The following ELAVL4 variants were observed in gnomAD, a reference collection of about 807,000 sequenced individuals.
The protein encoded by ELAVL4 is ELAV-like protein 4.
In ELAVL4, 1 loss-of-function variant was observed where a neutral mutation model predicts 35.6. That is an observed-to-expected ratio of 0.03 (90% CI 0.01 to 0.13). ELAVL4 has a LOEUF of 0.13. Among genes scored for constraint, ELAVL4 ranks in the 10% least tolerant of loss-of-function variants. The pLI, the probability that ELAVL4 is intolerant of heterozygous loss-of-function variation, is 1.00. For synonymous variants in ELAVL4, 156 were observed against 171.0 expected (o/e 0.91, Z 0.69); for missense variants, 267 against 464.9 (o/e 0.57, Z 3.91).
At chr1:50,068,764 T>G (rs949894931) in intron 1 of ELAVL4, among the ~76,000 whole-genome samples, 5 of 152,206 alleles carry the variant, frequency 3.3e-5, no homozygotes, top group Admixed American at 1.3e-4. Flanking sequence ...AAGATGGCTA[T>G]GGATTTAAAT....
intron 3 of ELAVL4, among the ~76,000 whole-genome samples, chr1:50,178,864 C>T (rs1403792260): frequency 1.3e-5 from 2 of 152,174 alleles, no homozygotes; most frequent in Non-Finnish European, 2.9e-5. Context: ...TTGACAGACA[C>T]CCTGACCTTG....
chr1:50,079,838 T>G (rs1283565905), intron 1 of ELAVL4, among the ~76,000 whole-genome samples: 1 of 152,234 alleles, frequency 6.6e-6, no homozygotes, highest in Non-Finnish European at 1.5e-5. Context: ...CTGAGTTGAT[T>G]CTGTGTTTTT....
At chr1:50,177,326 A>C in intron 3 of ELAVL4, 134 bp downstream of exon 3, 1 of 682,168 alleles carries the variant, frequency 1.5e-6, no homozygotes, top group Non-Finnish European at 2.6e-6. Context: ...ACCATCCACT[A>C]TACTAAATGG....
At chr1:50,131,571 C>T (rs1400668376) in intron 1 of ELAVL4, among the ~76,000 whole-genome samples, 1 of 151,936 alleles carries the variant, frequency 6.6e-6, no homozygotes, top group East Asian at 1.9e-4. Context: ...GGGCTGATCA[C>T]AAGGTCAAGA....
chr1:50,176,321 G>A (rs977552258), intron 2 of ELAVL4, among the ~76,000 whole-genome samples: 1 of 152,096 alleles, frequency 6.6e-6, no homozygotes, highest in African/African-American at 2.4e-5. Flanking sequence ...TTGTTCTTTG[G>A]CTCAGGGAAT....
At chr1:50,141,315 A>G (rs1672777787) in intron 1 of ELAVL4, among the ~76,000 whole-genome samples, 1 of 152,222 alleles carries the variant, frequency 6.6e-6, no homozygotes, top group Admixed American at 6.5e-5. Context: ...TGAAAAAGGT[A>G]GAAAACAGAG....
intron 1 of ELAVL4, among the ~76,000 whole-genome samples, chr1:50,112,661 T>A (rs1339921575): frequency 1.3e-5 from 2 of 152,140 alleles, no homozygotes; most frequent in African/African-American, 2.4e-5. Context: ...AAAATTACTT[T>A]GAGAATTGTT....
intron 2 of ELAVL4, among the ~76,000 whole-genome samples, chr1:50,159,284 G>T (rs1479646369): frequency 6.6e-6 from 1 of 152,168 alleles, no homozygotes; most frequent in Non-Finnish European, 1.5e-5. Flanking sequence ...GACCAAATGA[G>T]TTTGAAAAAC....
intron 1 of ELAVL4, among the ~76,000 whole-genome samples, chr1:50,111,948 G>A (rs957423744): frequency 2.0e-5 from 3 of 152,094 alleles, no homozygotes; most frequent in Non-Finnish European, 4.4e-5. Flanking sequence ...ATAGATGCAT[G>A]ATCAGGGAGC....
chr1:50,166,183 T>C (rs931415041), intron 2 of ELAVL4, among the ~76,000 whole-genome samples: 2 of 152,112 alleles, frequency 1.3e-5, no homozygotes, highest in African/African-American at 4.8e-5. Flanking sequence ...TCCAATCAAG[T>C]TGACACTCAG....
At chr1:50,114,411 G>A (rs1335433429) in intron 1 of ELAVL4, among the ~76,000 whole-genome samples, 1 of 151,854 alleles carries the variant, frequency 6.6e-6, no homozygotes, top group Non-Finnish European at 1.5e-5. Flanking sequence ...AAATCTCCAC[G>A]TATTTTAGGG....
chr1:50,100,113 T>C (rs540904008), upstream of ELAVL4, among the ~76,000 whole-genome samples: 129 of 152,306 alleles, frequency 8.5e-4, no homozygotes, highest in African/African-American at 3.1e-3. Context: ...GGCCTCTTAC[T>C]AGTTACATGA....
chr1:50,182,375 C>T (rs1047460297), intron 3 of ELAVL4, among the ~76,000 whole-genome samples: 2 of 152,162 alleles, frequency 1.3e-5, no homozygotes, highest in Non-Finnish European at 2.9e-5. Context: ...GTTGGGACAC[C>T]TGTTTGCGTT....
intron 3 of ELAVL4, among the ~76,000 whole-genome samples, chr1:50,182,559 G>A (rs371306664): frequency 3.9e-5 from 6 of 152,318 alleles, no homozygotes; most frequent in African/African-American, 9.6e-5. Context: ...GGGAGATAGG[G>A]AGCTGTGCAA....
rs1188457168 is a variant in ELAVL4, at chr1:50,197,448, A to T, written c.754A>T (p.Met252Leu). 2 of 1,593,210 alleles carry T rather than the reference A, an allele frequency of 1.3e-6. No homozygotes were observed. The highest frequency in any genetic ancestry group is 1.7e-6 in the Non-Finnish European group (2 of 1,171,468). ...QRFRLDNLLN[M>L]AYGVKRFSPI... ...TTGCAGGCTGGACAATTTGCTTAATATGGCCTATGGCGTAAAGAGGTAATT... is the reference window on the plus strand; with the variant it reads ...TTGCAGGCTGGACAATTTGCTTAATTTGGCCTATGGCGTAAAGAGGTAATT... Residue 252 changes from methionine to leucine, a missense_variant, in exon 6 of 7, where the codon ATG (methionine) becomes TTG (leucine). This residue lies in a region of ELAVL4 where 216 missense variants were observed against 409.5 expected (regional missense o/e 0.53). Coordinates refer to ENST00000371824, the MANE Select transcript of ELAVL4 (RefSeq NM_001144774.3).
At chr1:50,148,828 A>C (rs1674205197) in intron 2 of ELAVL4, among the ~76,000 whole-genome samples, 1 of 152,090 alleles carries the variant, frequency 6.6e-6, no homozygotes, top group Non-Finnish European at 1.5e-5. Context: ...GAGTTGATTT[A>C]GTTTCTTATT....
intron 1 of ELAVL4, among the ~76,000 whole-genome samples, chr1:50,077,901 A>G (rs1557689868): frequency 2.6e-5 from 4 of 152,118 alleles, no homozygotes; most frequent in African/African-American, 7.2e-5. Context: ...GTTGCTGCAC[A>G]CAGATTCCCT....
At chr1:50,192,941 G>T (rs1039542879) in intron 3 of ELAVL4, among the ~76,000 whole-genome samples, 1 of 152,092 alleles carries the variant, frequency 6.6e-6, no homozygotes, top group Admixed American at 6.6e-5. Flanking sequence ...TTAGCTTTTG[G>T]GGGGAAGAAA....
intron 1 of ELAVL4, among the ~76,000 whole-genome samples, chr1:50,084,826 A>G (rs1002630870): frequency 1.3e-5 from 2 of 152,084 alleles, no homozygotes; most frequent in African/African-American, 4.8e-5. Context: ...TTTCTTTCTT[A>G]GCACTTGGTG....
Sources: allele counts gnomAD v4.1 joint callset (sites outside exome capture counted in the v4.1 genomes callset), GRCh38; gene constraint gnomAD v4.1.1; regional missense constraint gnomAD v4.1.1; transcripts MANE v1.5; gene names NCBI Gene and HGNC (gene_info 2026-07-23, HGNC 2026-07-21).